Variants in SMOC2 observed in about 807,000 individuals in gnomAD.
SMOC2 encodes SPARC-related modular calcium-binding protein 2.
Under a neutral mutation model 61.4 loss-of-function variants are expected in SMOC2, and 39 were observed. That is an observed-to-expected ratio of 0.64 (90% confidence interval 0.49 to 0.83). SMOC2 has a LOEUF of 0.83. Ranked by LOEUF, SMOC2 falls within the 40% of genes least tolerant of loss-of-function variation. SMOC2 has a pLI of 0.00. For missense variants in SMOC2, 556 were observed against 592.9 expected (o/e 0.94, Z 0.65); for synonymous variants, 247 against 239.9 (o/e 1.03, Z -0.27).
chr6:168,450,665 C>A (rs1034064800), intron 1 of SMOC2, among the ~76,000 whole-genome samples: 3 of 152,138 alleles, frequency 2.0e-5, no homozygotes, highest in Non-Finnish European at 2.9e-5. Context: ...TGATCTCGGG[C>A]CCTGACACTT....
chr6:168,537,700 CAT>C (rs1783765647), intron 4 of SMOC2, among the ~76,000 whole-genome samples: 2 of 152,114 alleles, frequency 1.3e-5, no homozygotes, highest in Non-Finnish European at 1.5e-5. Context: ...GGCCGAGAGA[CAT>C]ATGCCCTCGG....
rs560813719 is a variant in SMOC2 at position 168,577,236 on chromosome 6, C to T, written c.638-21582C>T. On this transcript the variant is annotated intron_variant, in intron 7 of 12. Transcript: ENST00000356284. ...CAGGATGCCTTATTCCATCTAAACA[C>T]GCACTCTCTTCTTATCTCTGTAAGA... 1.1e-4 allele frequency among the ~76,000 whole-genome samples: 17 copies of T among 151,970 alleles called. No homozygotes were observed. The South Asian group carries it at 1.5e-3, about 13-fold the overall frequency.
chr6:168,624,508 G>C (rs549973119), intron 9 of SMOC2, among the ~76,000 whole-genome samples: 1 of 152,140 alleles, frequency 6.6e-6, no homozygotes, highest in African/African-American at 2.4e-5. Context: ...AAGACACACA[G>C]ACACAGATGA....
In SMOC2 at chr6:168,526,323, C is replaced by A. The variant is rs548146575; in HGVS notation, c.257-23C>A. ...TCTTCTTCCCATTGCATAACCACAC[C>A]TCTGCCCTGTTCTTCCCTACAGACG... On this transcript the variant is annotated intron_variant, in intron 2 of 12. Transcript: ENST00000356284. 9.4e-6 allele frequency: 15 copies of A among 1,597,662 alleles called. No individual in the cohort carries two copies. The Admixed American group carries it at 2.5e-4, about 27-fold the overall frequency.
In SMOC2 at chr6:168,558,858, CGCATGTGTGT is replaced by C. The variant is rs765843943; in HGVS notation, c.637+9668_637+9677del. Among the ~76,000 whole-genome samples, 616 of 125,164 alleles carry C rather than the reference CGCATGTGTGT, an allele frequency of 4.9e-3. 1 individual carries two copies. The highest frequency in any genetic ancestry group is 0.021 in the African/African-American group (531 of 25,432). 82.1% of individuals were successfully genotyped at this position (125,164 alleles called of 152,430 possible). A position where few individuals can be genotyped will look rare whatever the true frequency, so the allele number is the denominator to read the frequency against. ...GTGCACGTGTGTATGTGCGCGTGTG[CGCATGTGTGT>C]GCATGTGTGTGCGTGTGTGCGTGTG... On this transcript the variant is annotated intron_variant, in intron 7 of 12. Transcript: ENST00000356284.
intron 9 of SMOC2, among the ~76,000 whole-genome samples, chr6:168,613,910 AGG>A (rs757818508): frequency 3.8e-4 from 31 of 82,536 alleles, no homozygotes; most frequent in African/African-American, 1.3e-3. Flanking sequence ...CAGCCAGCAC[AGG>A]GGGCCTCTTC....
At chr6:168,518,981 A>G (rs561300371) in intron 2 of SMOC2, among the ~76,000 whole-genome samples, 1 of 145,836 alleles carries the variant, frequency 6.9e-6, no homozygotes, top group Admixed American at 6.8e-5. Context: ...GTGTGTATGC[A>G]TGCGTGTGTA....
rs1464678733 is a variant in SMOC2, at chr6:168,462,449, A to T, written c.84+20995A>T. On this transcript the variant is annotated intron_variant, in intron 1 of 12. Transcript: ENST00000356284. Reference sequence around the variant, plus strand: ...CTATCTTCCCAGGTCCTTCCAGCTCAGCCCCCTCTTTAAAGTTTTCCCAGC... The same window carrying T: ...CTATCTTCCCAGGTCCTTCCAGCTCTGCCCCCTCTTTAAAGTTTTCCCAGC... Among the ~76,000 whole-genome samples the T allele has an allele frequency of 2.0e-5, 3 of 151,860 alleles. No individual in the cohort carries two copies. In the East Asian group the frequency reaches 5.8e-4, roughly 29 times the overall value.
intron 1 of SMOC2, among the ~76,000 whole-genome samples, chr6:168,471,004 T>G (rs1583039697): frequency 6.6e-6 from 1 of 152,338 alleles, no homozygotes; most frequent in East Asian, 1.9e-4. Flanking sequence ...TATATAAATT[T>G]TATTACATCT....
Position 168,488,468 on chromosome 6 carries a change from C to G in SMOC2, c.85-21447C>G, listed in dbSNP as rs9456124. On this transcript the variant is annotated intron_variant, in intron 1 of 12. Coordinates refer to ENST00000356284, the MANE Select transcript of SMOC2 (RefSeq NM_001166412.2). ...TGTGAGATAGTCTGTCACAGGGCAG[C>G]TCCTCCTGGGGCTGTGAAGAGCACC... Among the ~76,000 whole-genome samples, 1,396 of 152,344 alleles carry G rather than the reference C, an allele frequency of 9.2e-3. 22 individuals carry two copies. The highest frequency in any genetic ancestry group is 0.032 in the African/African-American group (1,334 of 41,574).
chr6:168,559,387 G>A (rs374294075), intron 7 of SMOC2, among the ~76,000 whole-genome samples: 3 of 151,884 alleles, frequency 2.0e-5, no homozygotes, highest in Non-Finnish European at 2.9e-5. Flanking sequence ...CCCAGTAGGC[G>A]GAAGTTGCAG....
chr6:168,618,571 G>C (rs1424971229), intron 9 of SMOC2, among the ~76,000 whole-genome samples: 1 of 151,828 alleles, frequency 6.6e-6, no homozygotes, highest in Admixed American at 6.6e-5. Context: ...GGGTCGAGAG[G>C]TGGGTAGTGG....
chr6:168,568,940 A>G (rs756324089), intron 7 of SMOC2, among the ~76,000 whole-genome samples: 14 of 152,288 alleles, frequency 9.2e-5, no homozygotes, highest in Non-Finnish European at 1.5e-4. Context: ...ACCATAGTTC[A>G]TCTGTTTACC....
chr6:168,636,805 G>A (rs1367471407), intron 9 of SMOC2, among the ~76,000 whole-genome samples: 1 of 151,736 alleles, frequency 6.6e-6, no homozygotes, highest in South Asian at 2.1e-4. Context: ...TGCCCCTGAG[G>A]GCACACATGC....
chr6:168,549,249 T>A (rs373962714), intron 7 of SMOC2, 46 bp downstream of exon 7: 91 of 1,570,104 alleles, frequency 5.8e-5, no homozygotes, highest in Non-Finnish European at 7.5e-5. Flanking sequence ...ATTTAATAGA[T>A]CTAGAAAATG....
At chr6:168,567,205 A>G (rs1784566061) in intron 7 of SMOC2, among the ~76,000 whole-genome samples, 2 of 152,206 alleles carry the variant, frequency 1.3e-5, no homozygotes, top group South Asian at 4.1e-4. Flanking sequence ...AAAATGAGAA[A>G]ATTTTCTTAA....
chr6:168,551,385 G>A (rs2115109525), intron 7 of SMOC2, among the ~76,000 whole-genome samples: 1 of 152,106 alleles, frequency 6.6e-6, no homozygotes, highest in Admixed American at 6.5e-5. Context: ...AACTTAATTT[G>A]ACATTCTTGT....
intron 6 of SMOC2, 119 bp downstream of exon 6, chr6:168,547,288 C>A: frequency 1.3e-6 from 1 of 799,018 alleles, no homozygotes; most frequent in Non-Finnish European, 2.1e-6. Context: ...GTGTAACATG[C>A]CAGACACAGA....
chr6:168,595,397 A>G (rs1785300455), intron 7 of SMOC2, among the ~76,000 whole-genome samples: 1 of 152,050 alleles, frequency 6.6e-6, no homozygotes, highest in East Asian at 1.9e-4. Context: ...TGTTCCCTCT[A>G]CCAGCGTGAT....
Sources: gnomAD v4.1 joint callset for allele counts (sites outside exome capture counted in the v4.1 genomes callset) on GRCh38, gnomAD v4.1.1 for gene constraint, MANE v1.5 for transcripts, NCBI Gene and HGNC (gene_info 2026-07-23, HGNC 2026-07-21) for gene names.